The following PACRG variants were observed in gnomAD, a reference collection of about 807,000 sequenced individuals.
The protein encoded by PACRG is parkin coregulated.
Under a neutral mutation model 29.7 loss-of-function variants are expected in PACRG, and 29 were observed. The ratio of observed to expected loss-of-function variants is 0.98; its 90% CI spans 0.73 to 1.33. The LOEUF (loss-of-function observed/expected upper bound fraction) is 1.33, where lower values mean the gene tolerates loss of function less well. PACRG is among the 40% of genes most tolerant of loss of function. The probability of loss-of-function intolerance (pLI) is 0.00; values close to 1 mark genes in which losing one functional copy is unlikely to be tolerated. For synonymous variants in PACRG, 116 were observed against 118.7 expected, an observed-to-expected ratio of 0.98 and a Z score of 0.15; for missense variants, 279 against 316.2, an observed-to-expected ratio of 0.88 and a Z score of 0.89.
chr6:163,241,250 G>GA (rs976505163), intron 4 of PACRG, among the ~76,000 whole-genome samples: 7 of 152,084 alleles, frequency 4.6e-5, no homozygotes, highest in Admixed American at 2.6e-4. Context: ...TGTCATTGGG[G>GA]AAAAAATCAG....
intron 2 of PACRG, among the ~76,000 whole-genome samples, chr6:162,884,291 A>C (rs1016234826): frequency 6.6e-6 from 1 of 152,130 alleles, no homozygotes; most frequent in Non-Finnish European, 1.5e-5. Context: ...TTCATCTATA[A>C]GTTTTTTCAA....
chr6:162,852,665 A>G (rs1158015918), intron 2 of PACRG, among the ~76,000 whole-genome samples: 1 of 152,208 alleles, frequency 6.6e-6, no homozygotes. Flanking sequence ...TTATTGTTAG[A>G]TAAAATGAGG....
At chr6:162,787,557 A>C (rs1482561825) in intron 1 of PACRG, among the ~76,000 whole-genome samples, 1 of 57,446 alleles carries the variant, frequency 1.7e-5, no homozygotes, top group Non-Finnish European at 3.1e-5. Flanking sequence ...ATATATGGTT[A>C]TTGTGTGTGT....
intron 2 of PACRG, among the ~76,000 whole-genome samples, chr6:163,002,960 C>T (rs1804720041): frequency 6.6e-6 from 1 of 152,040 alleles, no homozygotes; most frequent in Non-Finnish European, 1.5e-5. Flanking sequence ...TTTTCATGTC[C>T]AAATTTCTGG....
intron 4 of PACRG, among the ~76,000 whole-genome samples, chr6:163,115,660 G>A (rs1815951456): frequency 1.3e-5 from 2 of 152,112 alleles, no homozygotes; most frequent in African/African-American, 2.4e-5. Flanking sequence ...ACGAGGCTGC[G>A]ATTGCAATGT....
At chr6:162,883,214 A>T (rs1350344831) in intron 2 of PACRG, among the ~76,000 whole-genome samples, 1 of 152,144 alleles carries the variant, frequency 6.6e-6, no homozygotes, top group Non-Finnish European at 1.5e-5. Flanking sequence ...ATTTCACATA[A>T]TTATAAAGGC....
intron 4 of PACRG, among the ~76,000 whole-genome samples, chr6:163,099,297 G>T (rs530185573): frequency 1.3e-5 from 2 of 152,234 alleles, no homozygotes; most frequent in East Asian, 3.9e-4. Flanking sequence ...CAGAGATTGC[G>T]ACCAATTCAG....
chr6:162,962,325 A>G (rs1800692362), intron 2 of PACRG, among the ~76,000 whole-genome samples: 1 of 152,196 alleles, frequency 6.6e-6, no homozygotes, highest in Non-Finnish European at 1.5e-5. Context: ...CATGTAATAC[A>G]TGTTTCTGAA....
chr6:163,195,183 A>G (rs7770312), intron 4 of PACRG, among the ~76,000 whole-genome samples: 89,398 of 152,156 alleles, frequency 0.59, 27,029 homozygotes, highest in Middle Eastern at 0.67. Flanking sequence ...AGCATCGGGG[A>G]TGCCTTGGCC....
intron 3 of PACRG, among the ~76,000 whole-genome samples, chr6:163,081,459 A>G (rs886065541): frequency 1.3e-5 from 2 of 152,214 alleles, no homozygotes; most frequent in African/African-American, 4.8e-5. Context: ...ACTAAATTGT[A>G]TACTTTAAAA....
chr6:163,191,805 CT>C (rs927001635), intron 4 of PACRG: 1 of 455,854 alleles, frequency 2.2e-6, no homozygotes. Context: ...TTCCAGCCAC[CT>C]TTTTTCTCTA....
At chr6:162,866,121 C>T (rs1792278592) in intron 2 of PACRG, among the ~76,000 whole-genome samples, 1 of 151,870 alleles carries the variant, frequency 6.6e-6, no homozygotes, top group Non-Finnish European at 1.5e-5. Context: ...CTCTGAAAAC[C>T]AAGAAATTAA....
At position 162,767,593 on chromosome 6, in the gene PACRG, A is replaced by G. The variant is rs1018760699; in HGVS notation, c.156+39202A>G. On this transcript the variant is annotated intron_variant, in intron 1 of 4. Transcript: ENST00000366888. ...AAAAATAGAAAATAAGTTGGGTTTC[A>G]TTTATCTTATACATTCTGACAATTT... is the stretch of plus-strand genomic sequence containing the variant. 1.4e-4 allele frequency among the ~76,000 whole-genome samples: 21 copies of G among 151,472 alleles called. 1 individual carries two copies. Among genetic ancestry groups the G allele is most frequent in the African/African-American group, 4.8e-4 (20 of 41,372 alleles).
chr6:163,000,880 G>A (rs537397328), intron 2 of PACRG, among the ~76,000 whole-genome samples: 1 of 152,316 alleles, frequency 6.6e-6, no homozygotes, highest in Admixed American at 6.5e-5. Context: ...AATTACCTAT[G>A]AGCCAAGGCA....
intron 2 of PACRG, among the ~76,000 whole-genome samples, chr6:163,008,205 C>T (rs576575278): frequency 1.8e-4 from 28 of 152,108 alleles, no homozygotes; most frequent in Non-Finnish European, 2.6e-4. Context: ...CTCTCTCTCA[C>T]GCACACACTA....
At chr6:163,043,350 G>A (rs1397356084) in intron 2 of PACRG, among the ~76,000 whole-genome samples, 1 of 152,180 alleles carries the variant, frequency 6.6e-6, no homozygotes, top group Non-Finnish European at 1.5e-5. Flanking sequence ...GAGGTCAGGA[G>A]TTTGAGACCA....
intron 4 of PACRG, among the ~76,000 whole-genome samples, chr6:163,198,961 C>T (rs1780585775): frequency 6.6e-6 from 1 of 152,152 alleles, no homozygotes; most frequent in African/African-American, 2.4e-5. Flanking sequence ...GGCTTCCAGG[C>T]CACAGGAGAT....
At chr6:163,168,352 C>T (rs1166145166) in intron 4 of PACRG, among the ~76,000 whole-genome samples, 1 of 152,112 alleles carries the variant, frequency 6.6e-6, no homozygotes, top group Non-Finnish European at 1.5e-5. Flanking sequence ...CACCCATAAT[C>T]CCAGCTACTC....
intron 4 of PACRG, among the ~76,000 whole-genome samples, chr6:163,263,758 T>A (rs1783425940): frequency 6.6e-6 from 1 of 152,208 alleles, no homozygotes; most frequent in Non-Finnish European, 1.5e-5. Flanking sequence ...AATATGATTA[T>A]TGTTTCATGT....
Sources: allele counts gnomAD v4.1 joint callset (sites outside exome capture counted in the v4.1 genomes callset), GRCh38; gene constraint gnomAD v4.1.1; transcripts MANE v1.5; gene names NCBI Gene and HGNC (gene_info 2026-07-23, HGNC 2026-07-21).